The following MN1 variants were observed in gnomAD, a reference collection of about 807,000 sequenced individuals.
MN1 encodes transcriptional activator MN1.
Under a neutral mutation model 86.9 loss-of-function variants are expected in MN1, and 19 were observed. The ratio of observed to expected loss-of-function variants is 0.22; its 90% CI spans 0.15 to 0.32. The LOEUF (loss-of-function observed/expected upper bound fraction) is 0.32. MN1 is among the 10% of genes least tolerant of loss of function. MN1 has a pLI of 1.00. For synonymous variants in MN1, 928 were observed against 849.6 expected (o/e 1.09, Z -1.60); for missense variants, 1,841 against 1,862.0 (o/e 0.99, Z 0.21).
At chr22:27,795,926 C>T (rs1036668552) in intron 1 of MN1, among the ~76,000 whole-genome samples, 1 of 152,054 alleles carries the variant, frequency 6.6e-6, no homozygotes, top group South Asian at 2.1e-4. Flanking sequence ...AGAATGCAAA[C>T]GAAAGCTGGG....
At chr22:27,769,379 A>G (rs1439906946) in intron 1 of MN1, among the ~76,000 whole-genome samples, 6 of 152,068 alleles carry the variant, frequency 3.9e-5, no homozygotes, top group Non-Finnish European at 7.4e-5. Context: ...AGTCAAGGCC[A>G]GGACAGGATT....
At chr22:27,753,611 A>G (rs1288621164) in intron 1 of MN1, among the ~76,000 whole-genome samples, 1 of 152,228 alleles carries the variant, frequency 6.6e-6, no homozygotes, top group Non-Finnish European at 1.5e-5. Context: ...CCTTTGCCCC[A>G]TTTCACAGAA....
intron 1 of MN1, among the ~76,000 whole-genome samples, chr22:27,784,419 G>A (rs1276347879): frequency 1.3e-5 from 2 of 152,274 alleles, no homozygotes; most frequent in African/African-American, 2.4e-5. Flanking sequence ...ATTACCATCC[G>A]CTACACAATC....
chr22:27,785,234 A>C (rs1207456397), intron 1 of MN1, among the ~76,000 whole-genome samples: 1 of 152,236 alleles, frequency 6.6e-6, no homozygotes, highest in Non-Finnish European at 1.5e-5. Context: ...TCTCAATTTG[A>C]AAAGCGAGAA....
At chr22:27,786,559 C>G (rs1933136165) in intron 1 of MN1, among the ~76,000 whole-genome samples, 1 of 152,058 alleles carries the variant, frequency 6.6e-6, no homozygotes, top group African/African-American at 2.4e-5. Flanking sequence ...AGACCTCTGG[C>G]CCACACGAGT....
intron 1 of MN1, among the ~76,000 whole-genome samples, chr22:27,780,497 C>T (rs1190852358): frequency 6.6e-6 from 1 of 152,160 alleles, no homozygotes; most frequent in Non-Finnish European, 1.5e-5. Flanking sequence ...ACTTTGGTGG[C>T]TTGAAATTAG....
intron 1 of MN1, among the ~76,000 whole-genome samples, chr22:27,785,058 A>C (rs1386167651): frequency 1.4e-4 from 5 of 34,858 alleles, no homozygotes; most frequent in African/African-American, 3.3e-4. Context: ...GGCATCCGCC[A>C]CACACACACA....
intron 1 of MN1, among the ~76,000 whole-genome samples, chr22:27,781,486 G>A (rs1371632911): frequency 1.3e-5 from 2 of 152,146 alleles, no homozygotes; most frequent in East Asian, 1.9e-4. Context: ...CCAGGGTGAA[G>A]AGCATTCCCA....
Position 27,799,858 on chromosome 22 carries a change from T to C in MN1, c.686A>G (p.Asp229Gly). 6.2e-7 allele frequency: 1 copy of C among 1,602,200 alleles called. No homozygotes were observed. Among genetic ancestry groups the C allele is most frequent in the Non-Finnish European group, 8.5e-7 (1 of 1,174,996 alleles). The change falls in exon 1 of 2, where the codon GAC (aspartate) becomes GGC (glycine). Residue 229 changes from aspartate (D) to glycine (G), a missense_variant. Asp to Gly is a moderately conservative substitution (Grantham distance 94, BLOSUM62 -1). Transcript: ENST00000302326. ...PRRVTNQGAV[D>G]SLEYNYPGEA... The stretch of plus-strand genomic sequence containing the variant: ...GCCCGGGTAATTGTATTCCAGCGAG[T>C]CGACGGCTCCTTGGTTCGTCACCCT...
Position 27,785,391 on chromosome 22 carries a change from G to A in MN1, c.3781+11372C>T, listed in dbSNP as rs541292480. On this transcript the variant is annotated intron_variant, in intron 1 of 1. Transcript: ENST00000302326. ...CCGCTTCTCCACGTCCGGCCACGTCGCACCAAAGGAGTCCTCCCCCACATC... is the reference window on the plus strand; with the variant it reads ...CCGCTTCTCCACGTCCGGCCACGTCACACCAAAGGAGTCCTCCCCCACATC... Among the ~76,000 whole-genome samples the A allele has an allele frequency of 3.9e-5, 6 of 152,310 alleles. No individual in the cohort carries two copies. The East Asian group carries it at 9.6e-4, about 24-fold the overall frequency.
chr22:27,789,697 GT>G (rs1933185831), intron 1 of MN1, among the ~76,000 whole-genome samples: 1 of 152,240 alleles, frequency 6.6e-6, no homozygotes, highest in African/African-American at 2.4e-5. Flanking sequence ...GAGCCAGCAT[GT>G]TATTACAAAT....
intron 1 of MN1, among the ~76,000 whole-genome samples, chr22:27,768,519 T>G (rs1432687344): frequency 6.6e-6 from 1 of 152,178 alleles, no homozygotes; most frequent in Non-Finnish European, 1.5e-5. Context: ...CCAGACTTTA[T>G]GCACACTGGG....
At chr22:27,796,696 G>A in intron 1 of MN1, 67 bp downstream of exon 1, 1 of 1,482,982 alleles carries the variant, frequency 6.7e-7, no homozygotes, top group Non-Finnish European at 9.0e-7. Context: ...AAAGGCGAAG[G>A]CTAAGTCCTG....
intron 1 of MN1, among the ~76,000 whole-genome samples, chr22:27,771,219 CTTTTTTTTTTTTTT>C (rs11330963): frequency 1.2e-5 from 1 of 86,642 alleles, no homozygotes; most frequent in Non-Finnish European, 2.2e-5. Context: ...TTTTCCCTAA[CTTTTTTTTTTTTTT>C]TTTTTTTTTT....
At chr22:27,776,326 A>G (rs1362490624) in intron 1 of MN1, among the ~76,000 whole-genome samples, 1 of 152,192 alleles carries the variant, frequency 6.6e-6, no homozygotes, top group East Asian at 1.9e-4. Context: ...CAAGGCTGAT[A>G]AGGAATTTAT....
intron 1 of MN1, among the ~76,000 whole-genome samples, chr22:27,769,577 G>C (rs1932897778): frequency 5.3e-4 from 1 of 1,896 alleles, no homozygotes; most frequent in Non-Finnish European, 1.3e-3. Flanking sequence ...TTTTGAGACA[G>C]AGTCTCGCTC....
At chr22:27,795,876 C>T (rs1568982312) in intron 1 of MN1, among the ~76,000 whole-genome samples, 1 of 152,152 alleles carries the variant, frequency 6.6e-6, no homozygotes, top group African/African-American at 2.4e-5. Context: ...CCACCCCTCC[C>T]ACCTTAAAGG....
chr22:27,775,413 A>G (rs904265089), intron 1 of MN1, among the ~76,000 whole-genome samples: 2 of 152,076 alleles, frequency 1.3e-5, no homozygotes, highest in East Asian at 3.9e-4. Flanking sequence ...ACTCCAACCT[A>G]TTAGCAGCTG....
chr22:27,800,259 C>T lies in MN1; in HGVS notation c.285G>A (p.Gln95=). 6.3e-7 allele frequency: 1 copy of T among 1,583,716 alleles called. No individual in the cohort carries two copies. The highest frequency in any genetic ancestry group is 8.6e-7 in the Non-Finnish European group (1 of 1,165,834). Residue 95 remains glutamine (Q), a synonymous_variant, in exon 1 of 2, where the codon CAG becomes CAA. Coordinates refer to ENST00000302326, the MANE Select transcript of MN1 (RefSeq NM_002430.3). ...AQPVHGFFGG[Q]QPHHGHPGSH... is the part of the protein sequence containing the mutation. ...TTCCCGGGTGGCCGTGGTGAGGCTG[C>T]TGGCCGCCAAAGAAGCCGTGCACAG...
Sources: allele counts gnomAD v4.1 joint callset (sites outside exome capture counted in the v4.1 genomes callset), GRCh38; gene constraint gnomAD v4.1.1; transcripts MANE v1.5; gene names NCBI Gene and HGNC (gene_info 2026-07-23, HGNC 2026-07-21).